Variants in SRP19 observed in about 807,000 individuals in gnomAD.
SRP19 encodes signal recognition particle 19 kDa protein.
A neutral mutation model predicts 22.4 loss-of-function variants in SRP19; 11 were observed. The observed-to-expected ratio is 0.49, with a 90% CI of 0.31 to 0.81. The LOEUF is 0.81. Among genes scored for constraint, SRP19 ranks in the 40% least tolerant of loss-of-function variants. SRP19 has a pLI of 0.05. For synonymous variants in SRP19, 61 were observed against 57.6 expected (o/e 1.06, Z -0.27); for missense variants, 168 against 175.9 (o/e 0.96, Z 0.25).
chr5:112,875,053 G>A (rs183352580), intron 4 of SRP19, among the ~76,000 whole-genome samples: 56 of 152,296 alleles, frequency 3.7e-4, no homozygotes, highest in African/African-American at 1.2e-3. Flanking sequence ...TGGGATTACA[G>A]GTGTGAACCA....
intron 4 of SRP19, chr5:112,878,790 G>A (rs1239830221): frequency 5.6e-6 from 9 of 1,613,966 alleles, no homozygotes; most frequent in South Asian, 1.1e-5. Flanking sequence ...TCTGGTTTAG[G>A]TGCTCTTCTT....
intron 4 of SRP19, among the ~76,000 whole-genome samples, chr5:112,891,246 T>G (rs1196502388): frequency 2.0e-5 from 3 of 152,168 alleles, no homozygotes; most frequent in South Asian, 2.1e-4. Context: ...CTAATTTTTT[T>G]ATTTTTAGTA....
chr5:112,880,574 C>G (rs1359938157), intron 4 of SRP19, among the ~76,000 whole-genome samples: 2 of 152,206 alleles, frequency 1.3e-5, no homozygotes, highest in Non-Finnish European at 2.9e-5. Context: ...CTTAACTAAC[C>G]CTTTGTAGAA....
chr5:112,873,506 C>A (rs551042634), downstream of SRP19, among the ~76,000 whole-genome samples: 10 of 151,900 alleles, frequency 6.6e-5, no homozygotes, highest in Non-Finnish European at 1.3e-4. Context: ...GGCATCAAGC[C>A]TGGCTAATTT....
intron 4 of SRP19, among the ~76,000 whole-genome samples, chr5:112,888,558 TGAC>T (rs778852151): frequency 0.021 from 3,093 of 149,112 alleles, 111 homozygotes; most frequent in East Asian, 0.1. Flanking sequence ...TAGCTGGGAA[TGAC>T]TGCAGGCATG....
At chr5:112,876,641 C>T (rs2150031121) in intron 4 of SRP19, 1 of 152,314 alleles carries the variant, frequency 6.6e-6, no homozygotes, top group Non-Finnish European at 1.5e-5. Context: ...AAACACTATT[C>T]ACATTCAAAT....
intron 4 of SRP19, chr5:112,876,644 A>G (rs1057314531): frequency 5.9e-5 from 9 of 152,242 alleles, no homozygotes; most frequent in Non-Finnish European, 8.8e-5. Context: ...CACTATTCAC[A>G]TTCAAATAAA....
chr5:112,889,217 C>A (rs1358323125), intron 4 of SRP19, among the ~76,000 whole-genome samples: 1 of 149,468 alleles, frequency 6.7e-6, no homozygotes, highest in East Asian at 2.0e-4. Context: ...TCCTGGGCAA[C>A]AGAGCAAGAG....
Position 112,869,061 on chromosome 5 carries a change from AAAC to A in SRP19, c.*1527_*1529del, listed in dbSNP as rs1767696377. 6.6e-6 allele frequency: 1 copy of A among 152,176 alleles called. No individual in the cohort carries two copies. Among genetic ancestry groups the A allele is most frequent in the Non-Finnish European group, 1.5e-5 (1 of 68,030 alleles). The allele number at this position is 152,176 out of a possible 1,614,324, so 9.4% of individuals were successfully genotyped here. ...AGTGGGTGTGTTTGGCTGTGTAACA[AAAC>A]AATAAGGGGATGTGTTTGCTGTGTA... On this transcript the variant is annotated 3_prime_UTR_variant, in exon 5 of 5. Coordinates refer to ENST00000505459, the MANE Select transcript of SRP19 (RefSeq NM_003135.3).
chr5:112,879,459 C>T (rs514763), intron 4 of SRP19, among the ~76,000 whole-genome samples: 63,483 of 151,838 alleles, frequency 0.42, 14,794 homozygotes, highest in African/African-American at 0.66. Context: ...TATGTGCTTT[C>T]ATATACTTTA....
At chr5:112,867,234 C>T (rs1487734176) in intron 4 of SRP19, 170 bp from the exon 5 acceptor site, 2 of 660,908 alleles carry the variant, frequency 3.0e-6, no homozygotes, top group East Asian at 2.9e-5. Context: ...AGTACATTTC[C>T]CCCGACTTGA....
At chr5:112,886,014 C>G (rs1323364443) in intron 4 of SRP19, among the ~76,000 whole-genome samples, 1 of 152,226 alleles carries the variant, frequency 6.6e-6, no homozygotes, top group African/African-American at 2.4e-5. Context: ...TCCCCTTTCC[C>G]CTTCAGCGAC....
chr5:112,862,710 G>A, intron 2 of SRP19, 127 bp downstream of exon 2: 1 of 791,734 alleles, frequency 1.3e-6, no homozygotes, highest in Non-Finnish European at 2.1e-6. Flanking sequence ...TGAGAACACA[G>A]CCAAGAATTG....
At position 112,868,102 on chromosome 5, in the gene SRP19, C is replaced by A. The variant is rs954862558; in HGVS notation, c.*565C>A. The A allele has an allele frequency of 3.0e-6, 3 of 985,212 alleles. No homozygotes were observed. The highest frequency in any genetic ancestry group is 1.7e-5 in the African/African-American group (1 of 57,210). The allele number at this position is 985,212 out of a possible 1,614,324, so 61.0% of individuals were successfully genotyped here. A position where few individuals can be genotyped will look rare whatever the true frequency, so the allele number is the denominator to read the frequency against. ...TTTTAATATATTATTGTAATCGAATCGTTCAGTTGTTTTTTGACATGGAAA... is the reference window on the plus strand; with the variant it reads ...TTTTAATATATTATTGTAATCGAATAGTTCAGTTGTTTTTTGACATGGAAA... On this transcript the variant is annotated 3_prime_UTR_variant, in exon 5 of 5. Transcript: ENST00000505459.
At chr5:112,873,704 A>G (rs755994577), downstream of SRP19, among the ~76,000 whole-genome samples, 5 of 151,992 alleles carry the variant, frequency 3.3e-5, no homozygotes, top group African/African-American at 4.8e-5. Context: ...CTAGCATTCT[A>G]TTCTCAGTTC....
downstream of SRP19, among the ~76,000 whole-genome samples, chr5:112,871,243 ATTTTTTTTTTTTT>A (rs10592964): frequency 3.2e-5 from 3 of 93,948 alleles, no homozygotes; most frequent in Admixed American, 1.2e-4. Flanking sequence ...CAATCAGTGA[ATTTTTTTTTTTTT>A]TTTTTTTTTT....
downstream of SRP19, among the ~76,000 whole-genome samples, chr5:112,870,750 A>G (rs1309196041): frequency 6.6e-6 from 1 of 152,038 alleles, no homozygotes; most frequent in Non-Finnish European, 1.5e-5. Flanking sequence ...GTTCAGCCAA[A>G]TTTTTCTTTT....
At chr5:112,884,538 C>G (rs753848859) in intron 4 of SRP19, among the ~76,000 whole-genome samples, 2 of 151,896 alleles carry the variant, frequency 1.3e-5, no homozygotes, top group Non-Finnish European at 2.9e-5. Flanking sequence ...TCACAACGTC[C>G]GGCTAATTTT....
chr5:112,878,856 A>C (rs1423494292), intron 4 of SRP19: 1 of 1,613,932 alleles, frequency 6.2e-7, no homozygotes, highest in Non-Finnish European at 8.5e-7. Flanking sequence ...GTTAGGAGGG[A>C]AAGAAAAATA....
Sources: allele counts gnomAD v4.1 joint callset (sites outside exome capture counted in the v4.1 genomes callset), GRCh38; gene constraint gnomAD v4.1.1; transcripts MANE v1.5; gene names NCBI Gene and HGNC (gene_info 2026-07-23, HGNC 2026-07-21).